The following ESRRB variants were observed in gnomAD, a reference collection of about 807,000 sequenced individuals.
ESRRB encodes estrogen related receptor beta, also known as steroid hormone receptor ERR2.
In ESRRB, 16 loss-of-function variants were observed where a neutral mutation model predicts 46.0. The observed-to-expected ratio is 0.35, with a 90% CI of 0.24 to 0.53. The LOEUF (loss-of-function observed/expected upper bound fraction) is 0.53. Ranked by LOEUF, ESRRB falls within the 20% of genes least tolerant of loss-of-function variation. The pLI, the probability that ESRRB is intolerant of heterozygous loss-of-function variation, is 0.93. For missense variants in ESRRB, 488 were observed against 607.4 expected (o/e 0.80, Z 2.07); for synonymous variants, 246 against 259.6 (o/e 0.95, Z 0.50).
chr14:76,473,240 G>C (rs1319363932), intron 3 of ESRRB, among the ~76,000 whole-genome samples: 1 of 152,192 alleles, frequency 6.6e-6, no homozygotes, highest in Non-Finnish European at 1.5e-5. Context: ...ACATTGTTGG[G>C]CAGCTTAAAT....
chr14:76,385,270 C>G (rs578013911), intron 1 of ESRRB, among the ~76,000 whole-genome samples: 4 of 149,900 alleles, frequency 2.7e-5, no homozygotes, highest in Admixed American at 2.0e-4. Flanking sequence ...TGATTATTAA[C>G]TGATTTTACA....
At chr14:76,322,495 T>G (rs954305284) in intron 1 of ESRRB, among the ~76,000 whole-genome samples, 3 of 152,182 alleles carry the variant, frequency 2.0e-5, no homozygotes, top group Non-Finnish European at 4.4e-5. Context: ...ACTTCTGACC[T>G]TCTAGCCTCC....
At chr14:76,414,668 T>TA (rs71452810) in intron 1 of ESRRB, among the ~76,000 whole-genome samples, 14,750 of 116,166 alleles carry the variant, frequency 0.13, 1,045 homozygotes, top group Admixed American at 0.16. Context: ...GTTTGTTCCT[T>TA]AAAAAAAAAA....
At chr14:76,440,133 G>A (rs1030772126) in intron 2 of ESRRB, among the ~76,000 whole-genome samples, 6 of 152,074 alleles carry the variant, frequency 3.9e-5, no homozygotes, top group Non-Finnish European at 7.4e-5. Context: ...CCAGACTTAC[G>A]GGACATAGAA....
chr14:76,501,587 C>T lies in ESRRB; in HGVS notation c.*3129C>T, dbSNP rs112424529. ...GACTGAAGGGTCCAGAGTCCATGCT[C>T]ACGGAACAGCACCAAAGAAAAGCAC... is the stretch of plus-strand genomic sequence containing the variant. On this transcript the variant is annotated 3_prime_UTR_variant, in exon 7 of 7. Transcript: ENST00000644823. 6.6e-6 allele frequency: 1 copy of T among 152,276 alleles called. No individual in the cohort carries two copies. Among genetic ancestry groups the T allele is most frequent in the African/African-American group, 2.4e-5 (1 of 41,546 alleles). The allele number at this position is 152,276 out of a possible 1,614,324, so 9.4% of individuals were successfully genotyped here.
rs781154724 is a variant in ESRRB, at chr14:76,498,447, G to A, written c.1354G>A (p.Ala452Thr). ...MHKLFLEMLEAKV is the reference protein window; with the variant it reads ...MHKLFLEMLETKV ...CAAACTCTTCCTGGAGATGCTGGAG[G>A]CCAAGGTGTGATGGCCCCGCACACG... is the stretch of plus-strand genomic sequence containing the variant. The change falls in exon 7 of 7, where the codon GCC becomes ACC. Residue 452 changes from alanine to threonine, a missense_variant. Transcript: ENST00000644823. The A allele has an allele frequency of 8.1e-6, 13 of 1,613,236 alleles. No individual in the cohort carries two copies. In the African/African-American group the frequency reaches 1.5e-4, roughly 18 times the overall value.
chr14:76,409,420 A>T (rs1419146166), intron 1 of ESRRB, among the ~76,000 whole-genome samples: 1 of 151,706 alleles, frequency 6.6e-6, no homozygotes, highest in Non-Finnish European at 1.5e-5. Flanking sequence ...CTCTGCCTGC[A>T]CCCCCCAGTC....
intron 1 of ESRRB, among the ~76,000 whole-genome samples, chr14:76,393,861 C>G (rs1483790218): frequency 6.6e-6 from 1 of 152,156 alleles, no homozygotes; most frequent in African/African-American, 2.4e-5. Context: ...AGTGCAGTGG[C>G]ACGAGCTCAG....
In ESRRB at chr14:76,500,320, T is replaced by C. The variant is rs1001131989; in HGVS notation, c.*1862T>C. 8.5e-6 allele frequency: 5 copies of C among 589,638 alleles called. No individual in the cohort carries two copies. Among genetic ancestry groups the C allele is most frequent in the East Asian group, 5.6e-5 (2 of 35,698 alleles). 36.5% of individuals were successfully genotyped at this position (589,638 alleles called of 1,614,324 possible). A position where few individuals can be genotyped will look rare whatever the true frequency, so the allele number is the denominator to read the frequency against. The stretch of plus-strand genomic sequence containing the variant: ...CCCCTTGCCTGTGGGGAATCGGGTC[T>C]GAGTCACTTGATGAGTAGGCACTGG... On this transcript the variant is annotated 3_prime_UTR_variant, in exon 7 of 7. Transcript: ENST00000644823.
At chr14:76,415,075 C>T (rs1312382923) in intron 1 of ESRRB, among the ~76,000 whole-genome samples, 1 of 152,190 alleles carries the variant, frequency 6.6e-6, no homozygotes, top group Non-Finnish European at 1.5e-5. Flanking sequence ...GCTGTGGGGA[C>T]CCAGACGTGA....
Position 76,431,167 on chromosome 14 carries a change from C to T in ESRRB, c.51-8174C>T, listed in dbSNP as rs1006110210. 5.9e-5 allele frequency among the ~76,000 whole-genome samples: 9 copies of T among 152,258 alleles called. No homozygotes were observed. In the East Asian group the frequency reaches 7.7e-4, roughly 13 times the overall value. On this transcript the variant is annotated intron_variant, in intron 1 of 6. Coordinates refer to ENST00000644823, the MANE Select transcript of ESRRB (RefSeq NM_001379180.1). ...AAAATTAGCCAGGCATGGGGGCACACGCCTGTAGTTCCAGCTACTCAGGAG... is the reference window on the plus strand; with the variant it reads ...AAAATTAGCCAGGCATGGGGGCACATGCCTGTAGTTCCAGCTACTCAGGAG...
intron 1 of ESRRB, among the ~76,000 whole-genome samples, chr14:76,313,822 C>G (rs1010710289): frequency 5.9e-5 from 9 of 152,182 alleles, no homozygotes; most frequent in Admixed American, 1.3e-4. Context: ...TTTCCCTCCC[C>G]CTTTTCGCCT....
rs1883924160 is a variant in ESRRB at position 76,325,891 on chromosome 14, A to G, written c.2+14975A>G. Among the ~76,000 whole-genome samples the G allele has an allele frequency of 2.6e-5, 4 of 152,058 alleles. No individual in the cohort carries two copies. The South Asian group carries it at 8.3e-4, about 32-fold the overall frequency. On this transcript the variant is annotated intron_variant, in intron 1 of 6. Transcript: ENST00000512784. ...AGTGTCTCCCTGAGTGAATTCCTCT[A>G]CTGCACTCAGCCTCCTCTTCTCATC... is the stretch of plus-strand genomic sequence containing the variant.
At chr14:76,325,651 A>T (rs1883920766) in intron 1 of ESRRB, among the ~76,000 whole-genome samples, 1 of 152,140 alleles carries the variant, frequency 6.6e-6, no homozygotes, top group Non-Finnish European at 1.5e-5. Context: ...AGCCTACCTG[A>T]GGAGGCTGCA....
At chr14:76,434,744 A>T (rs375512638) in intron 1 of ESRRB, among the ~76,000 whole-genome samples, 1 of 152,088 alleles carries the variant, frequency 6.6e-6, no homozygotes, top group Admixed American at 6.5e-5. Context: ...GCAGTCAGAC[A>T]TTGTCTGCAT....
At chr14:76,455,062 C>A (rs1340872549) in intron 2 of ESRRB, among the ~76,000 whole-genome samples, 2 of 129,716 alleles carry the variant, frequency 1.5e-5, no homozygotes, top group Non-Finnish European at 3.4e-5. Flanking sequence ...ACTAAAAATA[C>A]AAAAATTAGC....
chr14:76,402,542 T>C (rs1205431201), intron 1 of ESRRB, among the ~76,000 whole-genome samples: 1 of 152,106 alleles, frequency 6.6e-6, no homozygotes, highest in Non-Finnish European at 1.5e-5. Flanking sequence ...ACCCTGGAGA[T>C]GTAACATTAG....
Position 76,500,355 on chromosome 14 carries a change from C to A in ESRRB, c.*1897C>A, listed in dbSNP as rs888073508. The A allele has an allele frequency of 3.4e-6, 2 of 584,962 alleles. No individual in the cohort carries two copies. The highest frequency in any genetic ancestry group is 3.0e-5 in the Admixed American group (1 of 33,454). 36.2% of individuals were successfully genotyped at this position (584,962 alleles called of 1,614,324 possible). A position where few individuals can be genotyped will look rare whatever the true frequency, so the allele number is the denominator to read the frequency against. On this transcript the variant is annotated 3_prime_UTR_variant, in exon 7 of 7. Coordinates refer to ENST00000644823, the MANE Select transcript of ESRRB (RefSeq NM_001379180.1). ...GATGAGTAGGCACTGGAGCCGTTAC[C>A]CAGGATGCTGCGGCCCTAGCCCTCC... is the stretch of plus-strand genomic sequence containing the variant.
At chr14:76,312,956 C>G (rs960877396) in intron 1 of ESRRB, among the ~76,000 whole-genome samples, 10 of 152,194 alleles carry the variant, frequency 6.6e-5, no homozygotes, top group African/African-American at 2.4e-4. Context: ...GCCCACTGTG[C>G]AGGCCCAGTG....
Sources: allele counts gnomAD v4.1 joint callset (sites outside exome capture counted in the v4.1 genomes callset), GRCh38; gene constraint gnomAD v4.1.1; transcripts MANE v1.5; gene names NCBI Gene and HGNC (gene_info 2026-07-23, HGNC 2026-07-21).